The following PPARG variants were observed in gnomAD, a reference collection of about 807,000 sequenced individuals.
PPARG encodes the protein peroxisome proliferator activated receptor gamma, also known as peroxisome proliferator-activated receptor gamma.
In PPARG, 17 loss-of-function variants were observed where a neutral mutation model predicts 39.2. The observed-to-expected ratio is 0.43, with a 90% CI of 0.30 to 0.65. PPARG has a LOEUF of 0.65. PPARG is among the 30% of genes least tolerant of loss of function. The pLI is 0.13. For synonymous variants in PPARG, 223 were observed against 215.7 expected (o/e 1.03, Z -0.30); for missense variants, 406 against 585.9 (o/e 0.69, Z 3.17).
chr3:12,423,033 A>G (rs1476687330), intron 7 of PPARG, among the ~76,000 whole-genome samples: 1 of 152,204 alleles, frequency 6.6e-6, no homozygotes, highest in Admixed American at 6.6e-5. Context: ...AGGAGGGAGT[A>G]GGGCCTGGTG....
rs570688027 is a variant in PPARG, at chr3:12,332,908, C to G, written c.-9+20455C>G. The stretch of plus-strand genomic sequence containing the variant: ...TTGGCTGGGCATGGTGGGATGCATA[C>G]TTGTAGTCCCAGCTACTTGGGAGGC... On this transcript the variant is annotated intron_variant, in intron 2 of 7. Coordinates refer to ENST00000651735, the MANE Select transcript of PPARG (RefSeq NM_138711.6). Among the ~76,000 whole-genome samples, 115 of 152,232 alleles carry G rather than the reference C, an allele frequency of 7.6e-4. 1 individual carries two copies. Among genetic ancestry groups the G allele is most frequent in the Middle Eastern group, 6.8e-3 (2 of 294 alleles).
chr3:12,309,865 A>G lies in PPARG; in HGVS notation c.-82-2515A>G, dbSNP rs142875377. Among the ~76,000 whole-genome samples, 16 of 152,364 alleles carry G rather than the reference A, an allele frequency of 1.1e-4. No homozygotes were observed. In the East Asian group the frequency reaches 3.1e-3, roughly 29 times the overall value. ...GAGTAGAGATGAACAGCCCCTGTCT[A>G]ACGTGGGCTGTGTTTAAGTGTGAGG... is the stretch of plus-strand genomic sequence containing the variant. On this transcript the variant is annotated intron_variant, in intron 1 of 7. Coordinates refer to ENST00000651735, the MANE Select transcript of PPARG (RefSeq NM_138711.6).
intron 7 of PPARG, among the ~76,000 whole-genome samples, chr3:12,417,888 CTTTTTTTTT>C: frequency 1.6e-5 from 1 of 64,062 alleles, no homozygotes; most frequent in Middle Eastern, 9.4e-3. Context: ...TTTTTTTTTT[CTTTTTTTTT>C]TTTCCTTTTT....
chr3:12,396,721 G>A (rs2050276365), intron 5 of PPARG, among the ~76,000 whole-genome samples: 1 of 144,268 alleles, frequency 6.9e-6, no homozygotes, highest in South Asian at 2.1e-4. Context: ...TTGCACCACT[G>A]CACTCCAGTC....
intron 2 of PPARG, among the ~76,000 whole-genome samples, chr3:12,341,174 C>T (rs9827378): frequency 9.8e-6 from 1 of 101,760 alleles, no homozygotes; most frequent in African/African-American, 4.8e-5. Flanking sequence ...CAGAGCGAGA[C>T]TCCGTCTCAA....
At chr3:12,368,489 A>G (rs1439718126) in intron 2 of PPARG, among the ~76,000 whole-genome samples, 5 of 151,936 alleles carry the variant, frequency 3.3e-5, no homozygotes, top group Non-Finnish European at 5.9e-5. Context: ...GCCTCTAATC[A>G]TTTTCTTAAT....
chr3:12,395,896 C>T (rs763323107), intron 5 of PPARG, among the ~76,000 whole-genome samples: 1 of 152,074 alleles, frequency 6.6e-6, no homozygotes, highest in African/African-American at 2.4e-5. Context: ...GGCCACTCAG[C>T]GGTGTATGTA....
intron 5 of PPARG, among the ~76,000 whole-genome samples, chr3:12,405,121 A>G (rs1015876550): frequency 6.6e-6 from 1 of 152,232 alleles, no homozygotes; most frequent in African/African-American, 2.4e-5. Flanking sequence ...GAAAGAAAAC[A>G]TATCTGAGTT....
intron 2 of PPARG, among the ~76,000 whole-genome samples, chr3:12,365,799 C>CT (rs2048998070): frequency 1.3e-5 from 2 of 152,206 alleles, no homozygotes; most frequent in South Asian, 2.1e-4. Context: ...ATCTTAATTA[C>CT]TTTAACTTTC....
chr3:12,305,236 A>G (rs1321955367), intron 1 of PPARG, among the ~76,000 whole-genome samples: 2 of 152,154 alleles, frequency 1.3e-5, no homozygotes, highest in Non-Finnish European at 2.9e-5. Context: ...CTCTGAGTGT[A>G]ATATGGAAGT....
intron 5 of PPARG, among the ~76,000 whole-genome samples, chr3:12,405,565 G>C (rs1268091658): frequency 1.3e-5 from 2 of 152,246 alleles, no homozygotes; most frequent in Non-Finnish European, 2.9e-5. Flanking sequence ...TGAGGGATGA[G>C]TAGGAGTTGG....
intron 5 of PPARG, among the ~76,000 whole-genome samples, chr3:12,400,809 TTAG>T (rs2050445640): frequency 6.6e-6 from 1 of 152,222 alleles, no homozygotes; most frequent in Non-Finnish European, 1.5e-5. Flanking sequence ...GAAGGAAACT[TTAG>T]AATCTTCTTT....
chr3:12,327,754 C>CA (rs1478938152), intron 2 of PPARG, among the ~76,000 whole-genome samples: 6 of 152,056 alleles, frequency 3.9e-5, no homozygotes, highest in Non-Finnish European at 8.8e-5. Flanking sequence ...ATTCAGATCA[C>CA]AAAAAAGGTG....
chr3:12,301,381 G>T (rs115507229), intron 1 of PPARG: 3 of 152,086 alleles, frequency 2.0e-5, no homozygotes, highest in Non-Finnish European at 4.4e-5. Flanking sequence ...CTTAAACTTC[G>T]TTACATATTA....
At chr3:12,416,409 A>G (rs2051056867) in intron 6 of PPARG, among the ~76,000 whole-genome samples, 1 of 138,676 alleles carries the variant, frequency 7.2e-6, no homozygotes, top group African/African-American at 2.5e-5. Context: ...ATAAAAATCA[A>G]CAATGAAGAC....
intron 2 of PPARG, among the ~76,000 whole-genome samples, chr3:12,378,649 G>A (rs1168572249): frequency 6.6e-6 from 1 of 152,144 alleles, no homozygotes; most frequent in Non-Finnish European, 1.5e-5. Flanking sequence ...TGAGTAAAAT[G>A]GTGGTTGCCA....
At chr3:12,335,699 T>C (rs1559497916) in intron 2 of PPARG, among the ~76,000 whole-genome samples, 1 of 152,136 alleles carries the variant, frequency 6.6e-6, no homozygotes, top group Non-Finnish European at 1.5e-5. Context: ...TGTGTGAACC[T>C]TCAGTGGAAA....
chr3:12,308,462 G>A (rs1006918892), intron 1 of PPARG, among the ~76,000 whole-genome samples: 1 of 151,868 alleles, frequency 6.6e-6, no homozygotes, highest in African/African-American at 2.4e-5. Context: ...CAGAGACCGT[G>A]GTGTGCTGGA....
intron 2 of PPARG, among the ~76,000 whole-genome samples, chr3:12,369,745 C>T (rs1020575724): frequency 6.6e-6 from 1 of 152,118 alleles, no homozygotes; most frequent in Non-Finnish European, 1.5e-5. Context: ...TGCTATGATT[C>T]TGTTTCCTCT....
Sources: allele counts gnomAD v4.1 joint callset (sites outside exome capture counted in the v4.1 genomes callset), GRCh38; gene constraint gnomAD v4.1.1; transcripts MANE v1.5; gene names NCBI Gene and HGNC (gene_info 2026-07-23, HGNC 2026-07-21).